TMEM232: variants seen among roughly 807,000 people sequenced by gnomAD.
TMEM232 encodes the protein transmembrane protein 232.
Under a neutral mutation model 78.8 loss-of-function variants are expected in TMEM232, and 80 were observed. The ratio of observed to expected loss-of-function variants is 1.01; its 90% confidence interval spans 0.85 to 1.22. TMEM232 has a LOEUF of 1.22. Ranked by LOEUF, TMEM232 falls within the 50% of genes most tolerant of loss-of-function variation. TMEM232 has a pLI of 0.00. For missense variants in TMEM232, 881 were observed against 742.2 expected, an observed-to-expected ratio of 1.19 and a Z score of -2.17; for synonymous variants, 297 against 254.3, an observed-to-expected ratio of 1.17 and a Z score of -1.60.
Position 110,490,115 on chromosome 5 carries a change from G to A in TMEM232, c.1703+38473C>T, listed in dbSNP as rs1003042480. 2.4e-4 allele frequency among the ~76,000 whole-genome samples: 27 copies of A among 112,402 alleles called. No homozygotes were observed. In the East Asian group the frequency reaches 2.6e-3, roughly 11 times the overall value. The allele number at this position is 112,402 out of a possible 152,430, so 73.7% of individuals were successfully genotyped here. ...CTCCAGCCTGACTGAGTGAAACTCC[G>A]TTTCAAAAAGAAAGAAAGAAAGAAA... On this transcript the variant is annotated intron_variant, in intron 12 of 13. Coordinates refer to ENST00000455884, the MANE Select transcript of TMEM232 (RefSeq NM_001039763.4).
At chr5:110,645,020 A>C (rs1404517654) in intron 2 of TMEM232, among the ~76,000 whole-genome samples, 4 of 151,606 alleles carry the variant, frequency 2.6e-5, no homozygotes, top group African/African-American at 7.2e-5. Context: ...CAAGCTACCA[A>C]AACTGAATCA....
At chr5:110,447,150 T>G (rs1436026572) in intron 12 of TMEM232, among the ~76,000 whole-genome samples, 1 of 150,536 alleles carries the variant, frequency 6.6e-6, no homozygotes, top group African/African-American at 2.4e-5. Context: ...CATATATATG[T>G]GTATATATAT....
chr5:110,426,253 G>A (rs144532587), intron 12 of TMEM232, among the ~76,000 whole-genome samples: 32 of 152,024 alleles, frequency 2.1e-4, no homozygotes, highest in African/African-American at 7.5e-4. Context: ...ACTTCAAGTT[G>A]TAATTTTACA....
intron 2 of TMEM232, among the ~76,000 whole-genome samples, chr5:110,400,137 C>T (rs1339093528): frequency 3.3e-5 from 5 of 152,098 alleles, no homozygotes; most frequent in Admixed American, 3.3e-4. Context: ...TAGAATAATT[C>T]CCCTCTTATA....
chr5:110,504,427 G>A (rs1184070579), intron 12 of TMEM232, among the ~76,000 whole-genome samples: 1 of 152,106 alleles, frequency 6.6e-6, no homozygotes, highest in Non-Finnish European at 1.5e-5. Flanking sequence ...TTATTATTCA[G>A]AATTCCCCAA....
upstream of TMEM232, among the ~76,000 whole-genome samples, chr5:110,728,947 C>T (rs1036765286): frequency 1.3e-5 from 2 of 151,000 alleles, no homozygotes; most frequent in Admixed American, 6.6e-5. Flanking sequence ...TGCAATGGAG[C>T]GATCTCAGCT....
At chr5:110,469,473 T>C (rs1418325117) in intron 12 of TMEM232, among the ~76,000 whole-genome samples, 2 of 152,158 alleles carry the variant, frequency 1.3e-5, no homozygotes, top group Non-Finnish European at 2.9e-5. Flanking sequence ...TACACATTCC[T>C]CCTGGGGAAA....
At chr5:110,718,886 C>A (rs1013678609) in intron 1 of TMEM232, among the ~76,000 whole-genome samples, 2 of 151,874 alleles carry the variant, frequency 1.3e-5, no homozygotes, top group Non-Finnish European at 2.9e-5. Flanking sequence ...ATGATTGAGA[C>A]CCTCTAATAA....
chr5:110,461,736 A>G (rs1761553372), intron 12 of TMEM232, among the ~76,000 whole-genome samples: 1 of 152,192 alleles, frequency 6.6e-6, no homozygotes, highest in Non-Finnish European at 1.5e-5. Context: ...ATGCTCATTG[A>G]CCATTCCAAA....
chr5:110,688,240 T>A (rs760032802), intron 1 of TMEM232, among the ~76,000 whole-genome samples: 11 of 152,150 alleles, frequency 7.2e-5, no homozygotes, highest in Non-Finnish European at 1.3e-4. Flanking sequence ...CATAGAGACA[T>A]AGGTAGTTGG....
chr5:110,663,859 C>G (rs1418842276), intron 2 of TMEM232, among the ~76,000 whole-genome samples: 1 of 151,932 alleles, frequency 6.6e-6, no homozygotes, highest in African/African-American at 2.4e-5. Flanking sequence ...TTATACTTAG[C>G]TGGGCACAAT....
chr5:110,716,700 G>A (rs10036528), intron 1 of TMEM232, among the ~76,000 whole-genome samples: 27,225 of 152,062 alleles, frequency 0.18, 3,575 homozygotes, highest in African/African-American at 0.37. Flanking sequence ...AACAGGCCAC[G>A]GCATTAGTCT....
At chr5:110,461,604 GGAA>G (rs900239530) in intron 12 of TMEM232, among the ~76,000 whole-genome samples, 1 of 152,166 alleles carries the variant, frequency 6.6e-6, no homozygotes, top group African/African-American at 2.4e-5. Context: ...GTTTTTTATT[GGAA>G]GAAGATTTCA....
intron 9 of TMEM232, among the ~76,000 whole-genome samples, chr5:110,605,718 TTAATA>T (rs1210756887): frequency 6.6e-6 from 1 of 152,124 alleles, no homozygotes; most frequent in African/African-American, 2.4e-5. Context: ...AAGAAAGTTA[TTAATA>T]TATCTTATGG....
chr5:110,611,346 G>A (rs1039013561), intron 8 of TMEM232, among the ~76,000 whole-genome samples: 1 of 152,136 alleles, frequency 6.6e-6, no homozygotes. Context: ...AAAGATGGAT[G>A]ACAAAAATGT....
chr5:110,625,154 TA>T, intron 7 of TMEM232, 112 bp downstream of exon 7: 1 of 1,181,226 alleles, frequency 8.5e-7, no homozygotes, highest in Non-Finnish European at 1.1e-6. Context: ...CCTCCACAGC[TA>T]AACTCATCAT....
chr5:110,492,779 T>C (rs184861634), intron 12 of TMEM232, among the ~76,000 whole-genome samples: 28 of 152,128 alleles, frequency 1.8e-4, no homozygotes, highest in Middle Eastern at 6.8e-3. Flanking sequence ...TTCTAGAAAA[T>C]TGATTATATA....
intron 12 of TMEM232, among the ~76,000 whole-genome samples, chr5:110,475,443 TG>T (rs1763142041): frequency 8.7e-6 from 1 of 115,136 alleles, no homozygotes; most frequent in Non-Finnish European, 1.8e-5. Flanking sequence ...ATTTATACTT[TG>T]ATTTTTTTTT....
intron 2 of TMEM232, among the ~76,000 whole-genome samples, chr5:110,663,657 A>C (rs997809371): frequency 7.4e-6 from 1 of 135,776 alleles, no homozygotes; most frequent in Non-Finnish European, 1.7e-5. Flanking sequence ...AGTCTCCCCA[A>C]ATTGATCTGT....
Sources: gnomAD v4.1 joint callset for allele counts (sites outside exome capture counted in the v4.1 genomes callset) on GRCh38, gnomAD v4.1.1 for gene constraint, MANE v1.5 for transcripts, NCBI Gene and HGNC (gene_info 2026-07-23, HGNC 2026-07-21) for gene names.